The following H1-2 variants were observed in gnomAD, a reference collection of about 807,000 sequenced individuals.
H1-2 encodes the protein histone H1.2.
A neutral mutation model predicts 7.2 loss-of-function variants in H1-2; 7 were observed. The ratio of observed to expected loss-of-function variants is 0.97; its 90% confidence interval spans 0.55 to 1.82. The LOEUF is 1.82. H1-2 is among the 40% of genes most tolerant of loss of function. The pLI is 0.00. For missense variants in H1-2, 703 were observed against 276.6 expected, an observed-to-expected ratio of 2.54 and a Z score of -10.94; for synonymous variants, 300 against 118.2, an observed-to-expected ratio of 2.54 and a Z score of -9.98.
rs2113701379 is a variant in H1-2, at chr6:26,056,026, C to T, written c.403G>A (p.Ala135Thr). 6.2e-7 allele frequency: 1 copy of T among 1,614,120 alleles called. No individual in the cohort carries two copies. The highest frequency in any genetic ancestry group is 8.5e-7 in the Non-Finnish European group (1 of 1,180,028). Residue 135 changes from alanine (A) to threonine (T), a missense_variant, in exon 1 of 1, where the codon GCC becomes ACC. Ala to Thr is a moderately conservative substitution (Grantham distance 58). Coordinates refer to ENST00000343677, the MANE Select transcript of H1-2 (RefSeq NM_005319.4). ...GTKPKKPVGA[A>T]KKPKKAAGGA... ...CCAGCCGCCTTCTTGGGCTTCTTGG[C>T]TGCCCCAACTGGCTTCTTAGGTTTG...
rs756678851 is a variant in H1-2 at position 26,055,977 on chromosome 6, G to C, written c.452C>G (p.Ala151Gly). Residue 151 changes from alanine (A) to glycine (G), a missense_variant, in exon 1 of 1, where the codon GCT becomes GGT. Ala to Gly is a moderately conservative substitution (Grantham distance 60). Coordinates refer to ENST00000343677, the MANE Select transcript of H1-2 (RefSeq NM_005319.4). ...AAGGATPKKS[A>G]KKTPKKAKKP... Reference sequence around the variant, plus strand: ...CTTCGCTTTCTTCGGTGTTTTCTTAGCGCTCTTCTTCGGAGTTGCGCCGCC... The same window carrying C: ...CTTCGCTTTCTTCGGTGTTTTCTTACCGCTCTTCTTCGGAGTTGCGCCGCC... 1 of 1,613,956 alleles carries C rather than the reference G, an allele frequency of 6.2e-7. No individual in the cohort carries two copies. The highest frequency in any genetic ancestry group is 1.3e-5 in the African/African-American group (1 of 74,974).
At position 26,056,234 on chromosome 6, in the gene H1-2, C is replaced by G; in HGVS notation, c.195G>C (p.Ala65=). 6.2e-7 allele frequency: 1 copy of G among 1,614,254 alleles called. No individual in the cohort carries two copies. The highest frequency in any genetic ancestry group is 8.5e-7 in the Non-Finnish European group (1 of 1,180,044). Residue 65 remains alanine (A), a synonymous_variant, in exon 1 of 1, where the codon GCG becomes GCC. Transcript: ENST00000343677. ...SGVSLAALKK[A]LAAAGYDVEK... ...CCACATCATAGCCGGCGGCAGCCAA[C>G]GCTTTTTTCAGAGCAGCCAGAGAAA...
Position 26,056,126 on chromosome 6 carries a change from A to T in H1-2, c.303T>A (p.Ala101=), listed in dbSNP as rs2113701741. The T allele has an allele frequency of 6.2e-7, 1 of 1,614,230 alleles. No individual in the cohort carries two copies. The highest frequency in any genetic ancestry group is 8.5e-7 in the Non-Finnish European group (1 of 1,180,036). The change falls in exon 1 of 1, where the codon GCT becomes GCA. Residue 101 remains alanine (A), a synonymous_variant. Coordinates refer to ENST00000343677, the MANE Select transcript of H1-2 (RefSeq NM_005319.4). ...TCTTGTTGAGTTTAAAGGAGCCAGA[A>T]GCACCGGTGCCTTTCGTTTGCACCA... ...GTLVQTKGTG[A]SGSFKLNKKA... is the part of the protein sequence containing the mutation.
chr6:26,056,158 C>T lies in H1-2; in HGVS notation c.271G>A (p.Gly91Ser), dbSNP rs750602586. The T allele has an allele frequency of 2.5e-6, 4 of 1,614,216 alleles. No individual in the cohort carries two copies. Among genetic ancestry groups the T allele is most frequent in the Non-Finnish European group, 3.4e-6 (4 of 1,180,028 alleles). The change falls in exon 1 of 1, where the codon GGC (glycine) becomes AGC (serine). Residue 91 changes from glycine (G) to serine (S), a missense_variant. Coordinates refer to ENST00000343677, the MANE Select transcript of H1-2 (RefSeq NM_005319.4). ...GTGCCTTTCGTTTGCACCAGAGTGC[C>T]CTTGCTCACCAGGCTCTTGAGACCA... ...KLGLKSLVSKGTLVQTKGTGA... is the reference protein window; with the variant it reads ...KLGLKSLVSKSTLVQTKGTGA...
Position 26,056,100 on chromosome 6 carries a change from T to G in H1-2, c.329A>C (p.Lys110Thr). The change falls in exon 1 of 1, where the codon AAG (lysine) becomes ACG (threonine). Residue 110 changes from lysine (K) to threonine (T), a missense_variant. Transcript: ENST00000343677. ...GGGCTTGGCTTCCCCGGAGGCTGCC[T>G]TCTTGTTGAGTTTAAAGGAGCCAGA... ...GASGSFKLNK[K>T]AASGEAKPKV... The G allele has an allele frequency of 6.8e-6, 11 of 1,614,134 alleles. No homozygotes were observed. The highest frequency in any genetic ancestry group is 9.3e-6 in the Non-Finnish European group (11 of 1,179,962).
chr6:26,056,268 C>G lies in H1-2; in HGVS notation c.161G>C (p.Arg54Pro). 2 of 1,614,240 alleles carry G rather than the reference C, an allele frequency of 1.2e-6. No homozygotes were observed. Among genetic ancestry groups the G allele is most frequent in the Non-Finnish European group, 8.5e-7 (1 of 1,180,046 alleles). Residue 54 changes from arginine (R) to proline (P), a missense_variant, in exon 1 of 1, where the codon CGT (arginine) becomes CCT (proline). Transcript: ENST00000343677. ...CAGAGCAGCCAGAGAAACTCCGCTA[C>G]GCTCTTTAGAGGCGGCCACAGCCTT... ...ITKAVAASKE[R>P]SGVSLAALKK...
In H1-2 at chr6:26,056,153, A is replaced by G. The variant is rs757050231; in HGVS notation, c.276T>C (p.Thr92=). Residue 92 remains threonine, a synonymous_variant, in exon 1 of 1, where the codon ACT becomes ACC. Transcript: ENST00000343677. ...CACCGGTGCCTTTCGTTTGCACCAG[A>G]GTGCCCTTGCTCACCAGGCTCTTGA... ...LGLKSLVSKG[T]LVQTKGTGAS... The G allele has an allele frequency of 6.2e-7, 1 of 1,614,202 alleles. No homozygotes were observed. Among genetic ancestry groups the G allele is most frequent in the Non-Finnish European group, 8.5e-7 (1 of 1,180,046 alleles).
Position 26,056,354 on chromosome 6 carries a change from G to C in H1-2, c.75C>G (p.Ala25=). 3 of 1,613,606 alleles carry C rather than the reference G, an allele frequency of 1.9e-6. No individual in the cohort carries two copies. Among genetic ancestry groups the C allele is most frequent in the South Asian group, 1.1e-5 (1 of 91,064 alleles). ...AEKAPVKKKA[A]KKAGGTPRKA... Reference sequence around the variant, plus strand: ...TACGAGGCGTACCCCCAGCCTTTTTGGCCGCCTTCTTCTTTACAGGGGCCT... The same window carrying C: ...TACGAGGCGTACCCCCAGCCTTTTTCGCCGCCTTCTTCTTTACAGGGGCCT... The change falls in exon 1 of 1, where the codon GCC becomes GCG. Residue 25 remains alanine, a synonymous_variant. Coordinates refer to ENST00000343677, the MANE Select transcript of H1-2 (RefSeq NM_005319.4).
Position 26,056,281 on chromosome 6 carries a change from C to G in H1-2, c.148G>C (p.Ala50Pro). Residue 50 changes from alanine to proline, a missense_variant, in exon 1 of 1, where the codon GCC (alanine) becomes CCC (proline). Transcript: ENST00000343677. Reference sequence around the variant, plus strand: ...GAAACTCCGCTACGCTCTTTAGAGGCGGCCACAGCCTTGGTGATGAGCTCT... The same window carrying G: ...GAAACTCCGCTACGCTCTTTAGAGGGGGCCACAGCCTTGGTGATGAGCTCT... Reference protein sequence around the residue: ...VSELITKAVAASKERSGVSLA... With the variant: ...VSELITKAVAPSKERSGVSLA... The G allele has an allele frequency of 1.2e-6, 2 of 1,614,244 alleles. No homozygotes were observed. The highest frequency in any genetic ancestry group is 1.7e-6 in the Non-Finnish European group (2 of 1,180,046).
chr6:26,056,196 C>A lies in H1-2; in HGVS notation c.233G>T (p.Ser78Ile), dbSNP rs556238695. 1 of 1,614,136 alleles carries A rather than the reference C, an allele frequency of 6.2e-7. No individual in the cohort carries two copies. Among genetic ancestry groups the A allele is most frequent in the African/African-American group, 1.3e-5 (1 of 74,954 alleles). Residue 78 changes from serine (S) to isoleucine (I), a missense_variant, in exon 1 of 1, where the codon AGC becomes ATC. Coordinates refer to ENST00000343677, the MANE Select transcript of H1-2 (RefSeq NM_005319.4). ...AAGYDVEKNN[S>I]RIKLGLKSLV... ...GCTCTTGAGACCAAGTTTGATACGGCTGTTGTTTTTCTCCACATCATAGCC... is the reference window on the plus strand; with the variant it reads ...GCTCTTGAGACCAAGTTTGATACGGATGTTGTTTTTCTCCACATCATAGCC...
In H1-2 at chr6:26,055,803, G is replaced by A. The variant is rs2113700457; in HGVS notation, c.626C>T (p.Ala209Val). The change falls in exon 1 of 1, where the codon GCG (alanine) becomes GTG (valine). Residue 209 changes from alanine to valine, a missense_variant. Coordinates refer to ENST00000343677, the MANE Select transcript of H1-2 (RefSeq NM_005319.4). ...KPKVVKPKKA[A>V]PKKK The stretch of plus-strand genomic sequence containing the variant: ...GGCGTTCGCCTATTTCTTCTTGGGC[G>A]CCGCCTTCTTAGGCTTGACAACCTT... 4 of 1,593,014 alleles carry A rather than the reference G, an allele frequency of 2.5e-6. No individual in the cohort carries two copies. Among genetic ancestry groups the A allele is most frequent in the Middle Eastern group, 1.7e-4 (1 of 5,826 alleles).
rs1257678268 is a variant in H1-2, at chr6:26,056,142, G to A, written c.287C>T (p.Thr96Met). The change falls in exon 1 of 1, where the codon ACG becomes ATG. Residue 96 changes from threonine (T) to methionine (M), a missense_variant. By Grantham distance (81) the Thr-to-Met change is moderately conservative. Coordinates refer to ENST00000343677, the MANE Select transcript of H1-2 (RefSeq NM_005319.4). Reference protein sequence around the residue: ...SLVSKGTLVQTKGTGASGSFK... With the variant: ...SLVSKGTLVQMKGTGASGSFK... ...GGAGCCAGAAGCACCGGTGCCTTTCGTTTGCACCAGAGTGCCCTTGCTCAC... is the reference window on the plus strand; with the variant it reads ...GGAGCCAGAAGCACCGGTGCCTTTCATTTGCACCAGAGTGCCCTTGCTCAC... The A allele has an allele frequency of 4.3e-6, 7 of 1,614,094 alleles. No homozygotes were observed. Among genetic ancestry groups the A allele is most frequent in the African/African-American group, 1.3e-5 (1 of 74,926 alleles).
chr6:26,055,772 GA>G lies in H1-2; in HGVS notation c.*14del, dbSNP rs1561926797. 4 of 1,580,836 alleles carry G rather than the reference GA, an allele frequency of 2.5e-6. No homozygotes were observed. Among genetic ancestry groups the G allele is most frequent in the Non-Finnish European group, 3.4e-6 (4 of 1,170,798 alleles). The stretch of plus-strand genomic sequence containing the variant: ...TCTGAAAAGAGCCTTTTGGGTTTTA[GA>G]AGTAGGCGTTCGCCTATTTCTTCTT... On this transcript the variant is annotated 3_prime_UTR_variant, in exon 1 of 1. Transcript: ENST00000343677.
Position 26,055,960 on chromosome 6 carries a change from T to C in H1-2, c.469A>G (p.Lys157Glu). The C allele has an allele frequency of 6.2e-7, 1 of 1,614,098 alleles. No individual in the cohort carries two copies. The highest frequency in any genetic ancestry group is 1.1e-5 in the South Asian group (1 of 91,078). ...PKKSAKKTPK[K>E]AKKPAAATVT... Reference sequence around the variant, plus strand: ...GTGGCCGCGGCCGGCTTCTTCGCTTTCTTCGGTGTTTTCTTAGCGCTCTTC... The same window carrying C: ...GTGGCCGCGGCCGGCTTCTTCGCTTCCTTCGGTGTTTTCTTAGCGCTCTTC... The change falls in exon 1 of 1, where the codon AAA (lysine) becomes GAA (glutamate). Residue 157 changes from lysine to glutamate, a missense_variant. Transcript: ENST00000343677.
chr6:26,056,289 G>A lies in H1-2; in HGVS notation c.140C>T (p.Ala47Val), dbSNP rs374287612. 12 of 1,614,174 alleles carry A rather than the reference G, an allele frequency of 7.4e-6. No homozygotes were observed. Among genetic ancestry groups the A allele is most frequent in the African/African-American group, 2.7e-5 (2 of 75,074 alleles). ...GCTACGCTCTTTAGAGGCGGCCACA[G>A]CCTTGGTGATGAGCTCTGACACCGG... ...GPPVSELITK[A>V]VAASKERSGV... is the part of the protein sequence containing the mutation. The change falls in exon 1 of 1, where the codon GCT becomes GTT. Residue 47 changes from alanine to valine, a missense_variant. Ala to Val is a moderately conservative substitution (Grantham distance 64, BLOSUM62 0). Coordinates refer to ENST00000343677, the MANE Select transcript of H1-2 (RefSeq NM_005319.4).
At position 26,055,843 on chromosome 6, in the gene H1-2, T is replaced by G. The variant is rs773327544; in HGVS notation, c.586A>C (p.Lys196Gln). 12 of 1,613,552 alleles carry G rather than the reference T, an allele frequency of 7.4e-6. No homozygotes were observed. The highest frequency in any genetic ancestry group is 1.1e-5 in the South Asian group (1 of 91,014). Residue 196 changes from lysine (K) to glutamine (Q), a missense_variant, in exon 1 of 1, where the codon AAG (lysine) becomes CAG (glutamine). Transcript: ENST00000343677. ...AKSAAKAVKPKAAKPKVVKPK... is the reference protein window; with the variant it reads ...AKSAAKAVKPQAAKPKVVKPK... Reference sequence around the variant, plus strand: ...TTGACAACCTTGGGCTTAGCGGCCTTGGGCTTCACAGCCTTAGCAGCACTT... The same window carrying G: ...TTGACAACCTTGGGCTTAGCGGCCTGGGGCTTCACAGCCTTAGCAGCACTT...
chr6:26,055,934 A>G lies in H1-2; in HGVS notation c.495T>C (p.Thr165=), dbSNP rs1035732777. 16 of 1,613,992 alleles carry G rather than the reference A, an allele frequency of 9.9e-6. No individual in the cohort carries two copies. The highest frequency in any genetic ancestry group is 1.1e-5 in the South Asian group (1 of 91,076). Residue 165 remains threonine, a synonymous_variant, in exon 1 of 1, where the codon ACT becomes ACC. Coordinates refer to ENST00000343677, the MANE Select transcript of H1-2 (RefSeq NM_005319.4). ...PKKAKKPAAA[T]VTKKVAKSPK... is the part of the protein sequence containing the mutation. ...GGCTCTTAGCCACTTTCTTGGTTACAGTGGCCGCGGCCGGCTTCTTCGCTT... is the reference window on the plus strand; with the variant it reads ...GGCTCTTAGCCACTTTCTTGGTTACGGTGGCCGCGGCCGGCTTCTTCGCTT...
rs754239517 is a variant in H1-2, at chr6:26,055,983, T to C, written c.446A>G (p.Lys149Arg). 2 of 1,613,826 alleles carry C rather than the reference T, an allele frequency of 1.2e-6. No homozygotes were observed. The highest frequency in any genetic ancestry group is 8.5e-7 in the Non-Finnish European group (1 of 1,179,988). Residue 149 changes from lysine to arginine, a missense_variant, in exon 1 of 1, where the codon AAG (lysine) becomes AGG (arginine). Coordinates refer to ENST00000343677, the MANE Select transcript of H1-2 (RefSeq NM_005319.4). ...KKAAGGATPK[K>R]SAKKTPKKAK... ...TTTCTTCGGTGTTTTCTTAGCGCTCTTCTTCGGAGTTGCGCCGCCAGCCGC... is the reference window on the plus strand; with the variant it reads ...TTTCTTCGGTGTTTTCTTAGCGCTCCTCTTCGGAGTTGCGCCGCCAGCCGC...
rs774100132 is a variant in H1-2 at position 26,056,413 on chromosome 6, G to A, written c.16C>T (p.Pro6Ser). 4.4e-6 allele frequency: 7 copies of A among 1,597,100 alleles called. No homozygotes were observed. Among genetic ancestry groups the A allele is most frequent in the African/African-American group, 1.4e-5 (1 of 73,854 alleles). MSETAPAAPAAAPPAE... is the reference protein window; with the variant it reads MSETASAAPAAAPPAE... ...GGAGGCGCGGCAGCGGGAGCGGCAG[G>A]AGCAGTCTCGGACATGTTGAGAATC... Residue 6 changes from proline to serine, a missense_variant, in exon 1 of 1, where the codon CCT becomes TCT. Transcript: ENST00000343677.
Sources: allele counts gnomAD v4.1 joint callset, GRCh38; gene constraint gnomAD v4.1.1; transcripts MANE v1.5; gene names NCBI Gene and HGNC (gene_info 2026-07-23, HGNC 2026-07-21).